Variants in LAMA2 observed in about 807,000 individuals in gnomAD.
LAMA2 encodes laminin subunit alpha 2.
In LAMA2, 269 loss-of-function variants were observed where a neutral mutation model predicts 364.8. The ratio of observed to expected loss-of-function variants is 0.74; its 90% CI spans 0.67 to 0.82. The LOEUF (loss-of-function observed/expected upper bound fraction) is 0.82, where lower values mean the gene tolerates loss of function less well. Ranked by LOEUF, LAMA2 falls within the 40% of genes least tolerant of loss-of-function variation. The probability of loss-of-function intolerance (pLI) is 0.00; values close to 1 mark genes in which losing one functional copy is unlikely to be tolerated. For synonymous variants in LAMA2, 1,379 were observed against 1,370.6 expected (o/e 1.01, Z -0.14); for missense variants, 3,807 against 3,873.2 (o/e 0.98, Z 0.45).
chr6:128,961,050 T>C (rs1256207057), intron 1 of LAMA2, among the ~76,000 whole-genome samples: 3 of 151,834 alleles, frequency 2.0e-5, no homozygotes, highest in Non-Finnish European at 2.9e-5. Flanking sequence ...TATCATTTCA[T>C]TGGAAGACTC....
At chr6:129,265,643 G>A (rs1405078809) in intron 15 of LAMA2, among the ~76,000 whole-genome samples, 1 of 151,490 alleles carries the variant, frequency 6.6e-6, no homozygotes, top group African/African-American at 2.4e-5. Context: ...ACAATTTTGG[G>A]TTGGTTGTGG....
intron 1 of LAMA2, among the ~76,000 whole-genome samples, chr6:128,885,536 T>C (rs551476582): frequency 3.9e-5 from 6 of 152,300 alleles, no homozygotes; most frequent in South Asian, 4.1e-4. Flanking sequence ...TGTTGTTCCA[T>C]TGAAGCAAGC....
chr6:128,977,102 C>G (rs1782575294), intron 1 of LAMA2, among the ~76,000 whole-genome samples: 1 of 150,436 alleles, frequency 6.6e-6, no homozygotes, highest in African/African-American at 2.5e-5. Flanking sequence ...TTATAAAGAA[C>G]TTCGCATTGC....
intron 4 of LAMA2, among the ~76,000 whole-genome samples, chr6:129,136,844 T>C (rs1320649089): frequency 6.6e-6 from 1 of 152,138 alleles, no homozygotes; most frequent in Non-Finnish European, 1.5e-5. Flanking sequence ...CAAGCAGTAA[T>C]GATTTACAGC....
At chr6:129,058,243 C>G (rs1429675345) in intron 2 of LAMA2, among the ~76,000 whole-genome samples, 3 of 152,164 alleles carry the variant, frequency 2.0e-5, no homozygotes, top group African/African-American at 7.2e-5. Context: ...AGACAAGAAC[C>G]AATGACTGGG....
chr6:129,236,820 A>G (rs1374797153), intron 12 of LAMA2, among the ~76,000 whole-genome samples: 1 of 152,156 alleles, frequency 6.6e-6, no homozygotes, highest in Non-Finnish European at 1.5e-5. Context: ...ATAAGAGCAC[A>G]GTATAATTTT....
At position 129,437,504 on chromosome 6, in the gene LAMA2, T is replaced by C. The variant is rs74485706; in HGVS notation, c.5969-1142T>C. Among the ~76,000 whole-genome samples the C allele has an allele frequency of 2.6e-3, 403 of 152,130 alleles. 2 individuals are homozygous for C. Among genetic ancestry groups the C allele is most frequent in the African/African-American group, 7.9e-3 (329 of 41,524 alleles). On this transcript the variant is annotated intron_variant, in intron 41 of 64. Coordinates refer to ENST00000421865, the MANE Select transcript of LAMA2 (RefSeq NM_000426.4). ...GTCCTTTCTCAGTGGTCCTCCTCAC[T>C]TGGGGACTCTGTCTTGTATTTACAT...
At chr6:129,489,035 A>T (rs542512967) in intron 56 of LAMA2, among the ~76,000 whole-genome samples, 1 of 152,338 alleles carries the variant, frequency 6.6e-6, no homozygotes, top group Admixed American at 6.5e-5. Flanking sequence ...GATATATTTG[A>T]CTTAAATACC....
At chr6:129,439,988 C>A (rs917413922) in intron 42 of LAMA2, among the ~76,000 whole-genome samples, 8 of 151,926 alleles carry the variant, frequency 5.3e-5, no homozygotes, top group African/African-American at 1.9e-4. Flanking sequence ...AACTTGTCTT[C>A]TGTGTATAAC....
chr6:129,316,266 AT>A lies in LAMA2; in HGVS notation c.4058+97del, dbSNP rs536320915. On this transcript the variant is annotated intron_variant, in intron 27 of 64. Transcript: ENST00000421865. ...ATCAGATAAGAAAGATTGGAAAGTGATTGGTTTTGCAGTATAATGATAGAAG... is the reference window on the plus strand; with the variant it reads ...ATCAGATAAGAAAGATTGGAAAGTGATGGTTTTGCAGTATAATGATAGAAG... The A allele has an allele frequency of 2.9e-4, 305 of 1,055,944 alleles. 1 individual carries two copies. The African/African-American group carries it at 4.5e-3, about 16-fold the overall frequency. The allele number at this position is 1,055,944 out of a possible 1,614,324, so 65.4% of individuals were successfully genotyped here.
intron 1 of LAMA2, among the ~76,000 whole-genome samples, chr6:129,013,064 A>T (rs1282374937): frequency 1.3e-5 from 2 of 152,224 alleles, no homozygotes; most frequent in African/African-American, 2.4e-5. Flanking sequence ...GTCACCAATT[A>T]TTGAATCTAA....
At chr6:129,414,902 C>T (rs971739316) in intron 40 of LAMA2, among the ~76,000 whole-genome samples, 5 of 152,122 alleles carry the variant, frequency 3.3e-5, no homozygotes, top group Admixed American at 6.5e-5. Context: ...TGTGCCATCA[C>T]GTATTTCATT....
At chr6:129,287,073 A>G (rs1789309970) in intron 18 of LAMA2, among the ~76,000 whole-genome samples, 1 of 10,624 alleles carries the variant, frequency 9.4e-5, no homozygotes, top group African/African-American at 3.6e-4. Flanking sequence ...GAAGGGAGGA[A>G]AGAGGGAGGG....
intron 1 of LAMA2, among the ~76,000 whole-genome samples, chr6:128,962,702 A>C (rs1781610398): frequency 6.6e-6 from 1 of 152,222 alleles, no homozygotes; most frequent in East Asian, 1.9e-4. Context: ...TTTGACATCC[A>C]TATGATGTGG....
chr6:129,514,735 C>T, intron 64 of LAMA2, 140 bp downstream of exon 64: 1 of 752,462 alleles, frequency 1.3e-6, no homozygotes, highest in Non-Finnish European at 2.3e-6. Flanking sequence ...AGAATCTGCA[C>T]CTTACCTAAA....
chr6:129,460,375 C>T (rs1783189258), intron 49 of LAMA2, 51 bp downstream of exon 49: 1 of 1,579,220 alleles, frequency 6.3e-7, no homozygotes, highest in African/African-American at 1.4e-5. Flanking sequence ...ATAATAAAAG[C>T]TTCGATTTTA....
chr6:129,354,328 T>C (rs575380411), intron 32 of LAMA2, among the ~76,000 whole-genome samples: 2 of 152,260 alleles, frequency 1.3e-5, no homozygotes, highest in African/African-American at 4.8e-5. Flanking sequence ...TTTAAAATCA[T>C]TTTTTCTTTG....
rs181875780 is a variant in LAMA2 at position 129,235,870 on chromosome 6, G to T, written c.1783-14242G>T. On this transcript the variant is annotated intron_variant, in intron 12 of 64. Coordinates refer to ENST00000421865, the MANE Select transcript of LAMA2 (RefSeq NM_000426.4). ...ACTTATATGTGTGATGAAATGTGCA[G>T]ACTCTGCCAAGGCTATTTATTCTAA... 1.4e-4 allele frequency among the ~76,000 whole-genome samples: 21 copies of T among 152,250 alleles called. 1 individual carries two copies. The East Asian group carries it at 3.5e-3, about 25-fold the overall frequency.
At chr6:129,035,736 G>A (rs1582911867) in intron 1 of LAMA2, among the ~76,000 whole-genome samples, 1 of 151,846 alleles carries the variant, frequency 6.6e-6, no homozygotes, top group African/African-American at 2.4e-5. Context: ...ATTAAATAGG[G>A]TGTCCTTTCC....
Sources: gnomAD v4.1 joint callset for allele counts (sites outside exome capture counted in the v4.1 genomes callset) on GRCh38, gnomAD v4.1.1 for gene constraint, MANE v1.5 for transcripts, NCBI Gene and HGNC (gene_info 2026-07-23, HGNC 2026-07-21) for gene names.